Variants in UNC5D observed in about 807,000 individuals in gnomAD.
The protein encoded by UNC5D is unc-5 netrin receptor D.
Under a neutral mutation model 105.4 loss-of-function variants are expected in UNC5D, and 39 were observed. The ratio of observed to expected loss-of-function variants is 0.37; its 90% CI spans 0.29 to 0.48. The LOEUF (loss-of-function observed/expected upper bound fraction) is 0.48. UNC5D is among the 20% of genes least tolerant of loss of function. The pLI, the probability that UNC5D is intolerant of heterozygous loss-of-function variation, is 0.98. For synonymous variants in UNC5D, 452 were observed against 450.4 expected, an observed-to-expected ratio of 1.00 and a Z score of -0.04; for missense variants, 991 against 1,202.4, an observed-to-expected ratio of 0.82 and a Z score of 2.60.
At chr8:35,730,277 CA>C (rs966218092) in intron 10 of UNC5D, among the ~76,000 whole-genome samples, 2 of 152,166 alleles carry the variant, frequency 1.3e-5, no homozygotes, top group African/African-American at 4.8e-5. Flanking sequence ...ATTTAAGATG[CA>C]GTGAGATGTG....
chr8:35,470,391 G>C (rs1809617082), intron 1 of UNC5D, among the ~76,000 whole-genome samples: 1 of 151,946 alleles, frequency 6.6e-6, no homozygotes, highest in African/African-American at 2.4e-5. Flanking sequence ...AGGGGAATTG[G>C]CCATGGATCC....
In UNC5D at chr8:35,790,973, T is replaced by A. The variant is rs1586653504; in HGVS notation, c.*410T>A. 5.1e-6 allele frequency: 1 copy of A among 196,334 alleles called. No homozygotes were observed. The highest frequency in any genetic ancestry group is 1.2e-4 in the East Asian group (1 of 8,612). 12.2% of individuals were successfully genotyped at this position (196,334 alleles called of 1,614,324 possible). A position where few individuals can be genotyped will look rare whatever the true frequency, so the allele number is the denominator to read the frequency against. Reference sequence around the variant, plus strand: ...TGATTCTGGTACTAGATTGTCAGAGTTTTCTACCAACTGGCATCTGTGATG... The same window carrying A: ...TGATTCTGGTACTAGATTGTCAGAGATTTCTACCAACTGGCATCTGTGATG... On this transcript the variant is annotated 3_prime_UTR_variant, in exon 17 of 17. Transcript: ENST00000404895.
At chr8:35,692,761 T>C (rs914203970) in intron 7 of UNC5D, among the ~76,000 whole-genome samples, 1 of 152,188 alleles carries the variant, frequency 6.6e-6, no homozygotes, top group African/African-American at 2.4e-5. Flanking sequence ...CACAATATAT[T>C]TTTATGTGGC....
At chr8:35,671,884 C>G (rs1171505984) in intron 4 of UNC5D, among the ~76,000 whole-genome samples, 1 of 151,944 alleles carries the variant, frequency 6.6e-6, no homozygotes, top group African/African-American at 2.4e-5. Flanking sequence ...TTTGATAATG[C>G]TGTAAGCTGG....
intron 1 of UNC5D, among the ~76,000 whole-genome samples, chr8:35,540,196 G>A (rs745896756): frequency 6.6e-6 from 1 of 152,068 alleles, no homozygotes; most frequent in African/African-American, 2.4e-5. Context: ...TCCATTGTTG[G>A]GGGAGGAATT....
intron 1 of UNC5D, among the ~76,000 whole-genome samples, chr8:35,505,679 G>A (rs1812263696): frequency 6.6e-6 from 1 of 152,212 alleles, no homozygotes; most frequent in Non-Finnish European, 1.5e-5. Flanking sequence ...CAGCATTACT[G>A]CAAAATTACC....
intron 1 of UNC5D, among the ~76,000 whole-genome samples, chr8:35,360,583 C>G (rs1801803564): frequency 6.6e-6 from 1 of 152,090 alleles, no homozygotes; most frequent in African/African-American, 2.4e-5. Context: ...GGTTACCAGT[C>G]ATTACTTGGA....
chr8:35,760,893 A>G (rs1039023250), intron 14 of UNC5D, among the ~76,000 whole-genome samples: 1 of 152,100 alleles, frequency 6.6e-6, no homozygotes, highest in Admixed American at 6.6e-5. Context: ...ACCACCAACC[A>G]TCCAACTTCT....
chr8:35,667,230 A>G (rs1158419874), intron 4 of UNC5D, among the ~76,000 whole-genome samples: 1 of 152,180 alleles, frequency 6.6e-6, no homozygotes, highest in African/African-American at 2.4e-5. Context: ...AGTAGCAAAC[A>G]ACTTAGAAAT....
intron 7 of UNC5D, among the ~76,000 whole-genome samples, chr8:35,700,826 G>C (rs902686195): frequency 1.3e-5 from 2 of 152,152 alleles, no homozygotes; most frequent in Non-Finnish European, 2.9e-5. Context: ...AGGCAATGTG[G>C]AGTCATGTTA....
At chr8:35,600,670 T>G (rs1819804731) in intron 4 of UNC5D, among the ~76,000 whole-genome samples, 1 of 152,214 alleles carries the variant, frequency 6.6e-6, no homozygotes, top group African/African-American at 2.4e-5. Context: ...TGTAAATTTC[T>G]TTGAGTTCAT....
At chr8:35,669,185 A>G (rs1338425651) in intron 4 of UNC5D, among the ~76,000 whole-genome samples, 2 of 152,172 alleles carry the variant, frequency 1.3e-5, no homozygotes, top group Admixed American at 6.6e-5. Context: ...ATTTATTTCA[A>G]TGCCTTATGT....
chr8:35,441,481 T>G (rs913720357), intron 1 of UNC5D, among the ~76,000 whole-genome samples: 6 of 151,870 alleles, frequency 4.0e-5, no homozygotes, highest in Non-Finnish European at 2.9e-5. Flanking sequence ...GGCCTTGGAA[T>G]GTACCCCCTG....
At chr8:35,686,114 G>T (rs900937451) in intron 6 of UNC5D, among the ~76,000 whole-genome samples, 1 of 152,092 alleles carries the variant, frequency 6.6e-6, no homozygotes, top group African/African-American at 2.4e-5. Context: ...TTGTTTAGGG[G>T]CTTCTAGGGC....
chr8:35,737,863 T>C (rs1432909542), intron 11 of UNC5D, among the ~76,000 whole-genome samples: 1 of 152,110 alleles, frequency 6.6e-6, no homozygotes, highest in Non-Finnish European at 1.5e-5. Flanking sequence ...TCCCAGCACT[T>C]TGGGAGGCCG....
intron 1 of UNC5D, among the ~76,000 whole-genome samples, chr8:35,418,719 C>T (rs1919347): frequency 0.86 from 131,174 of 152,162 alleles, 56,882 homozygotes; most frequent in East Asian, 1. Context: ...TAATATCATG[C>T]TCTGCACAAA....
At chr8:35,271,334 T>A in intron 1 of UNC5D, among the ~76,000 whole-genome samples, 2 of 113,004 alleles carry the variant, frequency 1.8e-5, no homozygotes, top group East Asian at 2.8e-4. Context: ...CATACACACG[T>A]GCATGTGTGT....
chr8:35,376,125 G>A (rs1585699936), intron 1 of UNC5D, among the ~76,000 whole-genome samples: 1 of 152,304 alleles, frequency 6.6e-6, no homozygotes, highest in East Asian at 1.9e-4. Context: ...ATTGAAATGT[G>A]CTGTAGTGGT....
At chr8:35,465,935 G>C (rs1489333327) in intron 1 of UNC5D, among the ~76,000 whole-genome samples, 2 of 152,174 alleles carry the variant, frequency 1.3e-5, no homozygotes, top group Non-Finnish European at 2.9e-5. Context: ...GAGCCAAGGT[G>C]TGTGGGCAGC....
Sources: gnomAD v4.1 joint callset for allele counts (sites outside exome capture counted in the v4.1 genomes callset) on GRCh38, gnomAD v4.1.1 for gene constraint, MANE v1.5 for transcripts, NCBI Gene and HGNC (gene_info 2026-07-23, HGNC 2026-07-21) for gene names.